The following IL17D variants were observed in gnomAD, a reference collection of about 807,000 sequenced individuals.
IL17D encodes the protein interleukin 17D.
IL17D carries 10 observed loss-of-function variants against 5.7 expected under a neutral mutation model. The observed-to-expected ratio is 1.75, with a 90% CI of 1.08 to 2.97. The LOEUF (loss-of-function observed/expected upper bound fraction) is 2.97. Ranked by LOEUF, IL17D falls within the 30% of genes most tolerant of loss-of-function variation. The pLI is 0.00. For missense variants in IL17D, 354 were observed against 292.7 expected (o/e 1.21, Z -1.53); for synonymous variants, 172 against 141.7 (o/e 1.21, Z -1.52).
upstream of IL17D, chr13:20,703,575 T>C (rs2058561190): frequency 7.0e-6 from 2 of 287,386 alleles, no homozygotes; most frequent in Non-Finnish European, 1.0e-5. Flanking sequence ...TCCGGGCGTC[T>C]TAGGCTCCGG....
intron 1 of IL17D, among the ~76,000 whole-genome samples, chr13:20,720,868 C>CT (rs2058726352): frequency 1.0e-5 from 1 of 99,402 alleles, no homozygotes; most frequent in Non-Finnish European, 2.2e-5. Flanking sequence ...GACCACCTCC[C>CT]TCCCAACCCC....
At chr13:20,701,794 GTC>G (rs2058549615), upstream of IL17D, 1 of 152,282 alleles carries the variant, frequency 6.6e-6, no homozygotes, top group East Asian at 1.9e-4. Flanking sequence ...CAACTGATTA[GTC>G]TCACAAATAT....
chr13:20,702,376 T>C (rs544388986), upstream of IL17D: 1 of 152,352 alleles, frequency 6.6e-6, no homozygotes, highest in South Asian at 2.1e-4. Context: ...GTTTAACTAA[T>C]GGTTTACAAT....
At position 20,722,961 on chromosome 13, in the gene IL17D, G is replaced by A. The variant is rs947920999; in HGVS notation, c.*1007G>A. 22 of 152,184 alleles carry A rather than the reference G, an allele frequency of 1.4e-4. No homozygotes were observed. Among genetic ancestry groups the A allele is most frequent in the African/African-American group, 4.6e-4 (19 of 41,448 alleles). 9.4% of individuals were successfully genotyped at this position (152,184 alleles called of 1,614,324 possible). A position where few individuals can be genotyped will look rare whatever the true frequency, so the allele number is the denominator to read the frequency against. ...GTTAGCATCTGCAGAGATCAATCTG[G>A]AGGCTTCTGTTTCTGCATTCTGCCA... On this transcript the variant is annotated 3_prime_UTR_variant, in exon 2 of 2. Coordinates refer to ENST00000682841, the MANE Select transcript of IL17D (RefSeq NM_001385224.1).
chr13:20,721,755 A>G lies in IL17D; in HGVS notation c.410A>G (p.Tyr137Cys). The G allele has an allele frequency of 6.2e-7, 1 of 1,610,300 alleles. No homozygotes were observed. Among genetic ancestry groups the G allele is most frequent in the Non-Finnish European group, 8.5e-7 (1 of 1,179,716 alleles). ...GTGCGCTTCCGCAGCGCCCCTGTCTACATGCCCACCGTCGTCCTGCGCCGC... is the reference window on the plus strand; with the variant it reads ...GTGCGCTTCCGCAGCGCCCCTGTCTGCATGCCCACCGTCGTCCTGCGCCGC... ...EDVRFRSAPV[Y>C]MPTVVLRRTP... Residue 137 changes from tyrosine (Y) to cysteine (C), a missense_variant, in exon 2 of 2, where the codon TAC (tyrosine) becomes TGC (cysteine). Tyr to Cys is a radical substitution (Grantham distance 194, BLOSUM62 -2). Transcript: ENST00000682841.
upstream of IL17D, chr13:20,703,401 G>A (rs928243340): frequency 1.0e-6 from 1 of 986,000 alleles, no homozygotes; most frequent in Non-Finnish European, 1.2e-6. Flanking sequence ...CCGTGAGGCC[G>A]GGCGGCGACC....
At chr13:20,720,874 A>ACCCCCCCCCCCCCCCCCCC (rs67735251) in intron 1 of IL17D, among the ~76,000 whole-genome samples, 17 of 75,740 alleles carry the variant, frequency 2.2e-4, no homozygotes, top group African/African-American at 3.5e-4. Flanking sequence ...CTCCCTCCCA[A>ACCCCCCCCCCCCCCCCCCC]CCCCCCCCCC....
chr13:20,708,960 C>CAAAAAAAAAAAAAAAA (rs59047970), intron 1 of IL17D, among the ~76,000 whole-genome samples: 1 of 65,230 alleles, frequency 1.5e-5, no homozygotes, highest in Admixed American at 1.8e-4. Flanking sequence ...GACTCTGTCT[C>CAAAAAAAAAAAAAAAA]AAAAAAAAAA....
At chr13:20,703,331 T>A (rs2058559182), upstream of IL17D, 1 of 986,020 alleles carries the variant, frequency 1.0e-6, no homozygotes, top group Non-Finnish European at 1.2e-6. Context: ...GTGAGTACAC[T>A]GCACAAGTGA....
intron 1 of IL17D, among the ~76,000 whole-genome samples, chr13:20,714,959 C>G (rs1236963322): frequency 6.6e-6 from 1 of 152,204 alleles, no homozygotes; most frequent in Non-Finnish European, 1.5e-5. Context: ...CACCAGAGCC[C>G]TACTATACCC....
intron 1 of IL17D, among the ~76,000 whole-genome samples, chr13:20,718,497 C>A (rs113552470): frequency 1.5e-5 from 2 of 129,506 alleles, no homozygotes; most frequent in African/African-American, 5.4e-5. Context: ...CCCCCACACA[C>A]CTGCCCACAC....
At chr13:20,718,890 G>GTGCTCACACACCCGCCCA (rs1566521406) in intron 1 of IL17D, among the ~76,000 whole-genome samples, 1 of 77,376 alleles carries the variant, frequency 1.3e-5, no homozygotes, top group African/African-American at 5.2e-5. Flanking sequence ...ACACCTGCCC[G>GTGCTCACACACCCGCCCA]TGCTCACACA....
intron 1 of IL17D, among the ~76,000 whole-genome samples, chr13:20,721,122 C>T (rs1353673502): frequency 6.6e-6 from 1 of 152,134 alleles, no homozygotes; most frequent in Non-Finnish European, 1.5e-5. Context: ...CCTTCACTCC[C>T]GTGGGAGCCC....
chr13:20,710,451 T>TAAAAAAAAAAAA (rs60458842), intron 1 of IL17D, among the ~76,000 whole-genome samples: 6 of 83,470 alleles, frequency 7.2e-5, no homozygotes, highest in African/African-American at 1.4e-4. Flanking sequence ...CCATCTCTAC[T>TAAAAAAAAAAAA]AAAAAAAAAA....
Position 20,704,147 on chromosome 13 carries a change from G to A in IL17D, c.146G>A (p.Gly49Asp), listed in dbSNP as rs1317402301. The A allele has an allele frequency of 2.2e-6, 3 of 1,354,310 alleles. No individual in the cohort carries two copies. The highest frequency in any genetic ancestry group is 2.9e-6 in the Non-Finnish European group (3 of 1,043,924). The allele number at this position is 1,354,310 out of a possible 1,614,324, so 83.9% of individuals were successfully genotyped here. A position where few individuals can be genotyped will look rare whatever the true frequency, so the allele number is the denominator to read the frequency against. Residue 49 changes from glycine to aspartate, a missense_variant, in exon 1 of 2, where the codon GGC becomes GAC. By Grantham distance (94) the Gly-to-Asp change is moderately conservative (BLOSUM62 -1). Transcript: ENST00000682841. The stretch of plus-strand genomic sequence containing the variant: ...CAGCTGTACGGGCGCCTGGCGGCCG[G>A]CGTGCTCAGTGCCTTCCACCACACG... ...LEQLYGRLAA[G>D]VLSAFHHTLQ...
intron 1 of IL17D, among the ~76,000 whole-genome samples, chr13:20,720,183 G>T (rs2058719807): frequency 6.6e-6 from 1 of 152,096 alleles, no homozygotes; most frequent in Non-Finnish European, 1.5e-5. Context: ...CGGGAAGTCG[G>T]TGTACTCTGC....
intron 1 of IL17D, among the ~76,000 whole-genome samples, chr13:20,705,651 G>A (rs2058586348): frequency 6.6e-6 from 1 of 152,154 alleles, no homozygotes; most frequent in South Asian, 2.1e-4. Flanking sequence ...GAGCTGTGGT[G>A]GCGCCACTGC....
chr13:20,703,658 A>T (rs1480487907), upstream of IL17D: 1 of 152,386 alleles, frequency 6.6e-6, no homozygotes, highest in Non-Finnish European at 1.4e-5. Context: ...AAGCACTCGC[A>T]GCCCGCGGCG....
At chr13:20,710,471 A>AAAAAT (rs1428940536) in intron 1 of IL17D, among the ~76,000 whole-genome samples, 4 of 149,706 alleles carry the variant, frequency 2.7e-5, no homozygotes, top group African/African-American at 9.8e-5. Context: ...AAAAAAAAAA[A>AAAAAT]ATACGAAATT....
Sources: allele counts gnomAD v4.1 joint callset (sites outside exome capture counted in the v4.1 genomes callset), GRCh38; gene constraint gnomAD v4.1.1; transcripts MANE v1.5; gene names NCBI Gene and HGNC (gene_info 2026-07-23, HGNC 2026-07-21).